PRPF40B: variants seen among roughly 807,000 people sequenced by gnomAD.
PRPF40B encodes the protein pre-mRNA-processing factor 40 homolog B.
In PRPF40B, 56 loss-of-function variants were observed where a neutral mutation model predicts 124.5. That is an observed-to-expected ratio of 0.45 (90% CI 0.36 to 0.56). The LOEUF (loss-of-function observed/expected upper bound fraction) is 0.56. Among genes scored for constraint, PRPF40B ranks in the 20% least tolerant of loss-of-function variants. PRPF40B has a pLI of 0.00. For missense variants in PRPF40B, 1,053 were observed against 1,169.5 expected (o/e 0.90, Z 1.45); for synonymous variants, 443 against 426.4 (o/e 1.04, Z -0.48).
intron 8 of PRPF40B, 43 bp downstream of exon 8, chr12:49,633,590 C>T: frequency 6.2e-7 from 1 of 1,614,220 alleles, no homozygotes; most frequent in East Asian, 2.2e-5. Flanking sequence ...GCTCTGGGGG[C>T]TCCCTATTGC....
chr12:49,634,718 AG>A, intron 12 of PRPF40B, 116 bp downstream of exon 12: 1 of 1,347,130 alleles, frequency 7.4e-7, no homozygotes, highest in South Asian at 1.3e-5. Flanking sequence ...GGACAGTGAT[AG>A]ATTGGGTTGG....
At chr12:49,623,044 G>A (rs983353610), upstream of PRPF40B, among the ~76,000 whole-genome samples, 2 of 151,536 alleles carry the variant, frequency 1.3e-5, no homozygotes, top group Admixed American at 1.3e-4. Flanking sequence ...CGTGATTTCG[G>A]GGATTTGTCT....
rs912309460 is a variant in PRPF40B, at chr12:49,633,673, G to A, written c.605+12G>A. On this transcript the variant is annotated intron_variant, in intron 9 of 25. Transcript: ENST00000548825. The stretch of plus-strand genomic sequence containing the variant: ...CAAGAGGCTGCAGGGTGAGTGACTT[G>A]CCCACCTATCCATTTATAGTTGGGG... The A allele has an allele frequency of 1.2e-6, 2 of 1,614,140 alleles. No individual in the cohort carries two copies. Among genetic ancestry groups the A allele is most frequent in the Non-Finnish European group, 1.7e-6 (2 of 1,180,032 alleles).
chr12:49,626,054 T>C (rs1264538367), intron 1 of PRPF40B, among the ~76,000 whole-genome samples: 1 of 152,240 alleles, frequency 6.6e-6, no homozygotes, highest in Non-Finnish European at 1.5e-5. Flanking sequence ...GTTAGCTTTA[T>C]TAGGTTTTCT....
chr12:49,637,904 G>C, intron 18 of PRPF40B, 80 bp downstream of exon 18: 1 of 1,188,374 alleles, frequency 8.4e-7, no homozygotes, highest in East Asian at 2.4e-5. Flanking sequence ...GATAAGTCCT[G>C]TTTTGCAGAA....
Position 49,634,004 on chromosome 12 carries a change from C to T in PRPF40B, c.724C>T (p.Pro242Ser). 8 of 1,614,188 alleles carry T rather than the reference C, an allele frequency of 5.0e-6. No homozygotes were observed. The highest frequency in any genetic ancestry group is 6.8e-6 in the Non-Finnish European group (8 of 1,180,024). The change falls in exon 10 of 26, where the codon CCA becomes TCA. Residue 242 changes from proline to serine, a missense_variant. By Grantham distance (74) the Pro-to-Ser change is moderately conservative. This residue lies in a region of PRPF40B where 895 missense variants were observed against 1,052.2 expected (regional missense o/e 0.85). Transcript: ENST00000548825. The part of the protein sequence containing the change: ...PVPTGLLEPE[P>S]GGSEDCDVLE... ...GCCCACAGGCCTCCTGGAACCTGAG[C>T]CAGGTGGGAGTGAAGATTGTGATGT...
chr12:49,623,619 G>A, intron 1 of PRPF40B, 26 bp downstream of exon 1: 1 of 1,232,258 alleles, frequency 8.1e-7, no homozygotes, highest in African/African-American at 1.6e-5. Context: ...GGGGGTGGAG[G>A]GGCTCGGGGC....
chr12:49,633,991 C>G lies in PRPF40B; in HGVS notation c.711C>G (p.Leu237=). The G allele has an allele frequency of 6.2e-7, 1 of 1,614,202 alleles. No homozygotes were observed. The highest frequency in any genetic ancestry group is 8.5e-7 in the Non-Finnish European group (1 of 1,180,020). ...GCCCCACCCCAGTGCCCACAGGCCT[C>G]CTGGAACCTGAGCCAGGTGGGAGTG... ...PPGPTPVPTG[L]LEPEPGGSED... is the part of the protein sequence containing the mutation. Residue 237 remains leucine (L), a synonymous_variant, in exon 10 of 26, where the codon CTC becomes CTG. Coordinates refer to ENST00000548825, the MANE Select transcript of PRPF40B (RefSeq NM_001031698.3).
At chr12:49,637,333 A>G (rs562857504) in intron 16 of PRPF40B, 137 bp from the exon 17 acceptor site, 202 of 632,764 alleles carry the variant, frequency 3.2e-4, no homozygotes, top group Non-Finnish European at 5.0e-4. Context: ...GCATCTCTTC[A>G]TCTCTGCCTC....
chr12:49,638,176 G>T, intron 18 of PRPF40B: 1 of 218,872 alleles, frequency 4.6e-6, no homozygotes, highest in South Asian at 9.1e-5. Flanking sequence ...GGGGTGGAAA[G>T]GGCATGCCAG....
At position 49,638,522 on chromosome 12, in the gene PRPF40B, TGGA is replaced by T. The variant is rs1942162592; in HGVS notation, c.1767+700_1767+702del. 4 of 152,212 alleles carry T rather than the reference TGGA, an allele frequency of 2.6e-5. No homozygotes were observed. The South Asian group carries it at 8.3e-4, about 31-fold the overall frequency. The allele number at this position is 152,212 out of a possible 1,614,324, so 9.4% of individuals were successfully genotyped here. A position where few individuals can be genotyped will look rare whatever the true frequency, so the allele number is the denominator to read the frequency against. ...ACATGGCCTGTTGCTCTTCTTCTAC[TGGA>T]GAAGAGAAATAGTTCTCAATATTTA... is the stretch of plus-strand genomic sequence containing the variant. On this transcript the variant is annotated intron_variant, in intron 18 of 25. Coordinates refer to ENST00000548825, the MANE Select transcript of PRPF40B (RefSeq NM_001031698.3).
In PRPF40B at chr12:49,631,701, CAGGCAAGGTGAG is replaced by C. The variant is rs1347375209; in HGVS notation, c.229-154_229-143del. Reference sequence around the variant, plus strand: ...TCTGCTGAATGACTGAGACAACTCTCAGGCAAGGTGAGAGGCCAGAATCTGGGGATTGCCTGA... The same window carrying C: ...TCTGCTGAATGACTGAGACAACTCTCAGGCCAGAATCTGGGGATTGCCTGA... On this transcript the variant is annotated intron_variant, in intron 3 of 25. Coordinates refer to ENST00000548825, the MANE Select transcript of PRPF40B (RefSeq NM_001031698.3). The surrounding 1 kb of genome is among the most constrained non-coding windows in gnomAD (Gnocchi z 4.3). Among the ~76,000 whole-genome samples, 1 of 152,350 alleles carries C rather than the reference CAGGCAAGGTGAG, an allele frequency of 6.6e-6. No homozygotes were observed. Among genetic ancestry groups the C allele is most frequent in the African/African-American group, 2.4e-5 (1 of 41,574 alleles).
intron 1 of PRPF40B, among the ~76,000 whole-genome samples, chr12:49,627,495 G>A (rs1458545275): frequency 1.3e-5 from 2 of 152,140 alleles, no homozygotes; most frequent in African/African-American, 4.8e-5. Context: ...GGGGTTGGCA[G>A]GGCCAACCCA....
rs1274956284 is a variant in PRPF40B, at chr12:49,634,799, CA to C, written c.1001+199del. The C allele has an allele frequency of 1.4e-5, 9 of 651,672 alleles. No individual in the cohort carries two copies. The African/African-American group carries it at 1.6e-4, about 12-fold the overall frequency. The allele number at this position is 651,672 out of a possible 1,614,324, so 40.4% of individuals were successfully genotyped here. ...GGAAAGGTATCTGACACAACACGTTCAATAAATGCTTCCTGAATTGAATCAA... is the reference window on the plus strand; with the variant it reads ...GGAAAGGTATCTGACACAACACGTTCATAAATGCTTCCTGAATTGAATCAA... On this transcript the variant is annotated intron_variant, in intron 12 of 25. Coordinates refer to ENST00000548825, the MANE Select transcript of PRPF40B (RefSeq NM_001031698.3).
At chr12:49,637,040 T>A in intron 16 of PRPF40B, 191 bp downstream of exon 16, 1 of 839,236 alleles carries the variant, frequency 1.2e-6, no homozygotes. Context: ...TGTGCTCTTC[T>A]AGGGAGACTA....
chr12:49,623,848 G>C, intron 1 of PRPF40B: 3 of 1,170,748 alleles, frequency 2.6e-6, no homozygotes, highest in Non-Finnish European at 3.2e-6. Flanking sequence ...TGGGTGAAGA[G>C]TGGGATTGGG....
chr12:49,641,878 C>T (rs746441634), intron 18 of PRPF40B, 30 bp from the exon 19 acceptor site: 3 of 1,595,030 alleles, frequency 1.9e-6, no homozygotes, highest in Non-Finnish European at 2.6e-6. Flanking sequence ...GCACGTGGTG[C>T]CCCTGCTTCA....
chr12:49,635,956 G>C lies in PRPF40B; in HGVS notation c.1389G>C (p.Met463Ile), dbSNP rs775673482. The C allele has an allele frequency of 6.2e-7, 1 of 1,614,120 alleles. No individual in the cohort carries two copies. Among genetic ancestry groups the C allele is most frequent in the Non-Finnish European group, 8.5e-7 (1 of 1,180,010 alleles). Residue 463 changes from methionine to isoleucine, a missense_variant, in exon 15 of 26, where the codon ATG becomes ATC. By Grantham distance (10) the Met-to-Ile change is conservative. Transcript: ENST00000548825. This position sits in a 1 kb window ranked among gnomAD's most constrained non-coding sequence, Gnocchi z 4.1. ...TTWSQAQQYL[M>I]DNPSFAQDHQ... ...GGTCCCAGGCCCAGCAGTACCTCAT[G>C]GATAACCCCAGCTTTGCTCAGGACC... is the stretch of plus-strand genomic sequence containing the variant.
In PRPF40B at chr12:49,635,858, C is replaced by G; in HGVS notation, c.1291C>G (p.Leu431Val). ...GGCTCCCTAGGAACAGGCCAAGCAG[C>G]TCCGGCGCCGCAATATCCAGGCCCT... ...AKKEKEQAKQ[L>V]RRRNIQALKS... Residue 431 changes from leucine (L) to valine (V), a missense_variant, in exon 15 of 26, where the codon CTC (leucine) becomes GTC (valine). Transcript: ENST00000548825. This position sits in a 1 kb window ranked among gnomAD's most constrained non-coding sequence, Gnocchi z 4.1. The G allele has an allele frequency of 6.2e-7, 1 of 1,613,980 alleles. No individual in the cohort carries two copies. The highest frequency in any genetic ancestry group is 8.5e-7 in the Non-Finnish European group (1 of 1,179,966).
Sources: gnomAD v4.1 joint callset for allele counts (sites outside exome capture counted in the v4.1 genomes callset) on GRCh38, gnomAD v4.1.1 for gene constraint, gnomAD v4.1.1 regional missense constraint, Gnocchi (gnomAD v3.1) non-coding constraint, MANE v1.5 for transcripts, NCBI Gene and HGNC (gene_info 2026-07-23, HGNC 2026-07-21) for gene names.